Variants in HCFC2 observed in about 807,000 individuals in gnomAD.
HCFC2 encodes the protein host cell factor 2.
Under a neutral mutation model 89.2 loss-of-function variants are expected in HCFC2, and 18 were observed. The observed-to-expected ratio is 0.20, with a 90% CI of 0.14 to 0.30. HCFC2 has a LOEUF of 0.30. Ranked by LOEUF, HCFC2 falls within the 10% of genes least tolerant of loss-of-function variation. The pLI is 1.00. For synonymous variants in HCFC2, 308 were observed against 335.7 expected (o/e 0.92, Z 0.90); for missense variants, 578 against 956.1 (o/e 0.60, Z 5.21).
At position 104,089,448 on chromosome 12, in the gene HCFC2, G is replaced by A. The variant is rs575377103; in HGVS notation, c.1284+1410G>A. Among the ~76,000 whole-genome samples, 321 of 152,234 alleles carry A rather than the reference G, an allele frequency of 2.1e-3. 2 individuals are homozygous for A. Among genetic ancestry groups the A allele is most frequent in the African/African-American group, 7.4e-3 (309 of 41,546 alleles). ...GGAGAATGGTGTGAACCCAAGAGAC[G>A]GAGCTTGTAGTGAGCCGAGATTGTG... is the stretch of plus-strand genomic sequence containing the variant. On this transcript the variant is annotated intron_variant, in intron 9 of 14. Transcript: ENST00000229330.
At chr12:104,097,429 G>C (rs1260568831) in intron 12 of HCFC2, among the ~76,000 whole-genome samples, 1 of 151,836 alleles carries the variant, frequency 6.6e-6, no homozygotes, top group African/African-American at 2.4e-5. Context: ...GGAGCCAGTT[G>C]TTTTATAAAA....
chr12:104,095,935 G>A lies in HCFC2; in HGVS notation c.1666+372G>A, dbSNP rs1335283736. Among the ~76,000 whole-genome samples the A allele has an allele frequency of 5.3e-5, 8 of 152,124 alleles. No individual in the cohort carries two copies. Among genetic ancestry groups the A allele is most frequent in the Admixed American group, 1.3e-4 (2 of 15,266 alleles). ...CACTATTGAAATACAATCAGAATGT[G>A]TCTTTCCTACCATGAATAAATTTAG... On this transcript the variant is annotated intron_variant, in intron 11 of 14. Coordinates refer to ENST00000229330, the MANE Select transcript of HCFC2 (RefSeq NM_013320.3). The surrounding 1 kb of genome is among the most constrained non-coding windows in gnomAD (Gnocchi z 4.2).
In HCFC2 at chr12:104,066,245, G is replaced by A; in HGVS notation, c.242G>A (p.Gly81Asp). The A allele has an allele frequency of 6.2e-7, 1 of 1,612,394 alleles. No homozygotes were observed. Among genetic ancestry groups the A allele is most frequent in the Non-Finnish European group, 8.5e-7 (1 of 1,178,972 alleles). ...GCTGCCCATGGATTTGTCTGTGATG[G>A]TACCAGAATATTAGTATTTGGGGGA... ...GCAAHGFVCD[G>D]TRILVFGGMV... Residue 81 changes from glycine to aspartate, a missense_variant, in exon 2 of 15, where the codon GGT becomes GAT. Gly to Asp is a moderately conservative substitution (Grantham distance 94). Transcript: ENST00000229330.
rs186887496 is a variant in HCFC2 at position 104,079,088 on chromosome 12, A to C, written c.474-357A>C. Among the ~76,000 whole-genome samples the C allele has an allele frequency of 1.8e-3, 274 of 152,330 alleles. 1 individual carries two copies. Among genetic ancestry groups the C allele is most frequent in the African/African-American group, 6.3e-3 (263 of 41,578 alleles). ...AGCAGTCACAAACCAGTCCAGAATC[A>C]AGGGAAGGGAACATAGACCCAACTT... On this transcript the variant is annotated intron_variant, in intron 3 of 14. Coordinates refer to ENST00000229330, the MANE Select transcript of HCFC2 (RefSeq NM_013320.3).
chr12:104,094,278 A>G lies in HCFC2; in HGVS notation c.1462+715A>G, dbSNP rs1052639261. On this transcript the variant is annotated intron_variant, in intron 10 of 14. Transcript: ENST00000229330. ...TAGAAATTAAGAGTATTTAAATGTA[A>G]TCTCCAAAAGAGCAAGGATCTTGTT... is the stretch of plus-strand genomic sequence containing the variant. 2.0e-5 allele frequency among the ~76,000 whole-genome samples: 3 copies of G among 152,312 alleles called. No homozygotes were observed. In the South Asian group the frequency reaches 6.2e-4, roughly 32 times the overall value.
Position 104,103,278 on chromosome 12 carries a change from G to GT in HCFC2, c.*12dup, listed in dbSNP as rs750538624. 2 of 1,598,142 alleles carry GT rather than the reference G, an allele frequency of 1.3e-6. No individual in the cohort carries two copies. Among genetic ancestry groups the GT allele is most frequent in the Non-Finnish European group, 1.7e-6 (2 of 1,168,912 alleles). ...AAGAAAGCACCTTTAAATTGAATTG[G>GT]TTTTTTTACTGAAGCTATTGTGATG... On this transcript the variant is annotated 3_prime_UTR_variant, in exon 15 of 15. Coordinates refer to ENST00000229330, the MANE Select transcript of HCFC2 (RefSeq NM_013320.3).
At chr12:104,074,375 G>T (rs1400946816) in intron 3 of HCFC2, among the ~76,000 whole-genome samples, 1 of 152,096 alleles carries the variant, frequency 6.6e-6, no homozygotes, top group East Asian at 1.9e-4. Flanking sequence ...GCCCAGGCTG[G>T]TCTTGAACTC....
At chr12:104,086,714 A>G (rs17192938) in intron 7 of HCFC2, 133 bp from the exon 8 acceptor site, 31,596 of 597,744 alleles carry the variant, frequency 0.053, 979 homozygotes, top group South Asian at 0.11. Context: ...TATCTGAGTA[A>G]ACTTTCCCTG....
intron 1 of HCFC2, 113 bp from the exon 2 acceptor site, chr12:104,066,054 G>T: frequency 9.8e-7 from 1 of 1,019,632 alleles, no homozygotes; most frequent in East Asian, 2.5e-5. Context: ...TGTCTTCTGG[G>T]GGGCAGAATC....
Position 104,093,613 on chromosome 12 carries a change from AT to A in HCFC2, c.1462+53del, listed in dbSNP as rs759447780. The A allele has an allele frequency of 1.9e-5, 28 of 1,452,818 alleles. No homozygotes were observed. The South Asian group carries it at 3.4e-4, about 18-fold the overall frequency. The allele number at this position is 1,452,818 out of a possible 1,614,324, so 90.0% of individuals were successfully genotyped here. A position where few individuals can be genotyped will look rare whatever the true frequency, so the allele number is the denominator to read the frequency against. On this transcript the variant is annotated intron_variant, in intron 10 of 14. Transcript: ENST00000229330. ...AAGCTTTTTATAAAATCGGTGGGGAATTTAATAGTCATTGAAAAAGTAAATG... is the reference window on the plus strand; with the variant it reads ...AAGCTTTTTATAAAATCGGTGGGGAATTAATAGTCATTGAAAAAGTAAATG...
chr12:104,078,499 C>T (rs997500689), intron 3 of HCFC2, among the ~76,000 whole-genome samples: 1 of 152,096 alleles, frequency 6.6e-6, no homozygotes, highest in Non-Finnish European at 1.5e-5. Context: ...TCAAAACATC[C>T]ATGAAACTTA....
chr12:104,098,305 A>G (rs1011769831), intron 12 of HCFC2, 38 bp from the exon 13 acceptor site: 3 of 1,560,768 alleles, frequency 1.9e-6, no homozygotes, highest in South Asian at 1.2e-5. Context: ...CGTATATTCA[A>G]TAAGAGTCTT....
At chr12:104,086,648 A>AAATAAATAAATAG (rs1555286141) in intron 7 of HCFC2, among the ~76,000 whole-genome samples, 199 bp from the exon 8 acceptor site, 2 of 150,034 alleles carry the variant, frequency 1.3e-5, no homozygotes, top group Non-Finnish European at 3.0e-5. Flanking sequence ...ATAAATAAAT[A>AAATAAATAAATAG]AATAAATAGA....
chr12:104,065,559 A>C (rs1021136950), intron 1 of HCFC2, among the ~76,000 whole-genome samples: 10 of 152,226 alleles, frequency 6.6e-5, no homozygotes, highest in Admixed American at 6.5e-4. Flanking sequence ...CAACTTAATC[A>C]CAGGAATAAT....
intron 9 of HCFC2, among the ~76,000 whole-genome samples, chr12:104,092,869 A>T (rs1218869241): frequency 2.6e-5 from 4 of 152,168 alleles, no homozygotes; most frequent in African/African-American, 9.7e-5. Flanking sequence ...AATTAGGGAG[A>T]TTCTTATCCA....
intron 9 of HCFC2, among the ~76,000 whole-genome samples, chr12:104,088,756 G>T (rs1883940576): frequency 6.6e-6 from 1 of 151,898 alleles, no homozygotes; most frequent in South Asian, 2.1e-4. Flanking sequence ...TACAAGTAAA[G>T]CTCATACAGT....
At chr12:104,065,951 GA>G (rs773150012) in intron 1 of HCFC2, among the ~76,000 whole-genome samples, 2 of 152,062 alleles carry the variant, frequency 1.3e-5, no homozygotes, top group Non-Finnish European at 2.9e-5. Flanking sequence ...TACATTGTAA[GA>G]TGTTTGGCAG....
Position 104,080,737 on chromosome 12 carries a change from T to C in HCFC2, c.683-9T>C, listed in dbSNP as rs764777659. 5.8e-6 allele frequency: 9 copies of C among 1,552,288 alleles called. No homozygotes were observed. Among genetic ancestry groups the C allele is most frequent in the Non-Finnish European group, 7.0e-6 (8 of 1,142,384 alleles). On this transcript the variant is annotated splice_polypyrimidine_tract_variant and intron_variant, in intron 4 of 14. Coordinates refer to ENST00000229330, the MANE Select transcript of HCFC2 (RefSeq NM_013320.3). ...ATCAAGTTGCTAATATAATTATTTT[T>C]ACTTTTAGAAACTATGTCATGGTCA...
At chr12:104,086,619 A>AAAACAAAT (rs1555286134) in intron 7 of HCFC2, among the ~76,000 whole-genome samples, 1 of 146,462 alleles carries the variant, frequency 6.8e-6, no homozygotes, top group Non-Finnish European at 1.5e-5. Context: ...TTTGTCTAAG[A>AAAACAAAT]AAATAAATAA....
Sources: gnomAD v4.1 joint callset for allele counts (sites outside exome capture counted in the v4.1 genomes callset) on GRCh38, gnomAD v4.1.1 for gene constraint, Gnocchi (gnomAD v3.1) non-coding constraint, MANE v1.5 for transcripts, NCBI Gene and HGNC (gene_info 2026-07-23, HGNC 2026-07-21) for gene names.